Variants in DNAH6 observed in about 807,000 individuals in gnomAD.
DNAH6 encodes dynein axonemal heavy chain 6, also known as axonemal beta dynein heavy chain 6.
A neutral mutation model predicts 491.4 loss-of-function variants in DNAH6; 340 were observed. That is an observed-to-expected ratio of 0.69 (90% CI 0.63 to 0.76). DNAH6 has a LOEUF of 0.76. Ranked by LOEUF, DNAH6 falls within the 30% of genes least tolerant of loss-of-function variation. The probability of loss-of-function intolerance (pLI) is 0.00; values close to 1 mark genes in which losing one functional copy is unlikely to be tolerated. For missense variants in DNAH6, 4,443 were observed against 4,972.2 expected (o/e 0.89, Z 3.20); for synonymous variants, 1,603 against 1,686.1 (o/e 0.95, Z 1.21).
intron 73 of DNAH6, 69 bp downstream of exon 73, chr2:84,812,595 C>A: frequency 7.6e-7 from 1 of 1,308,184 alleles, no homozygotes; most frequent in Non-Finnish European, 1.1e-6. Context: ...CCCTAGGAAG[C>A]ACTGGCTAAA....
chr2:84,479,262 G>A, the DNAH6 span, among the ~76,000 whole-genome samples: 1 of 152,138 alleles, frequency 6.6e-6, no homozygotes, highest in Non-Finnish European at 1.5e-5. Context: ...TCTCACTTTG[G>A]GCTGCAGTAT....
At chr2:84,812,862 C>T (rs1005306671) in intron 73 of DNAH6, among the ~76,000 whole-genome samples, 196 bp from the exon 74 acceptor site, 1 of 152,094 alleles carries the variant, frequency 6.6e-6, no homozygotes, top group Non-Finnish European at 1.5e-5. Context: ...CCCACAATAA[C>T]CAGGCTCTGT....
intron 33 of DNAH6, 39 bp from the exon 34 acceptor site, chr2:84,653,280 A>C (rs988631286): frequency 7.1e-7 from 1 of 1,401,176 alleles, no homozygotes; most frequent in Non-Finnish European, 9.5e-7. Flanking sequence ...AATATCAATG[A>C]CCAGTTGTTC....
intron 40 of DNAH6, among the ~76,000 whole-genome samples, chr2:84,675,316 G>A (rs1196949415): frequency 6.6e-6 from 1 of 152,066 alleles, no homozygotes; most frequent in Non-Finnish European, 1.5e-5. Flanking sequence ...TATATAGTAA[G>A]CCGTTGTTTA....
At chr2:84,596,215 G>A (rs1195057300) in intron 18 of DNAH6, among the ~76,000 whole-genome samples, 1 of 152,210 alleles carries the variant, frequency 6.6e-6, no homozygotes, top group Non-Finnish European at 1.5e-5. Flanking sequence ...CAGGCTGCAG[G>A]TGTACAGGTC....
intron 62 of DNAH6, 144 bp from the exon 63 acceptor site, chr2:84,744,936 A>G (rs1016396907): frequency 2.2e-6 from 1 of 457,714 alleles, no homozygotes; most frequent in East Asian, 3.6e-5. Flanking sequence ...TAGGTTGGGT[A>G]GCAGGGGAGA....
At position 84,704,072 on chromosome 2, in the gene DNAH6, T is replaced by C. The variant is rs1224805045; in HGVS notation, c.8235T>C (p.Arg2745=). 1.3e-6 allele frequency: 2 copies of C among 1,551,460 alleles called. No individual in the cohort carries two copies. Among genetic ancestry groups the C allele is most frequent in the African/African-American group, 2.7e-5 (2 of 73,050 alleles). The change falls in exon 51 of 77, where the codon CGT becomes CGC. Residue 2745 remains arginine (R), a synonymous_variant. Transcript: ENST00000389394. Reference sequence around the variant, plus strand: ...AGTCATGTTTCAATGGTTAGGTCCGTAACACTGTGCAGGAGGATGAAGCAA... The same window carrying C: ...AGTCATGTTTCAATGGTTAGGTCCGCAACACTGTGCAGGAGGATGAAGCAA... The part of the protein sequence containing the change: ...AVDQESADQV[R]NTVQEDEATA...
intron 10 of DNAH6, among the ~76,000 whole-genome samples, chr2:84,557,512 C>G (rs866561213): frequency 6.7e-6 from 1 of 150,328 alleles, no homozygotes; most frequent in Non-Finnish European, 1.5e-5. Flanking sequence ...TAGCTGGGCG[C>G]GGTGGCGGGC....
chr2:84,783,900 A>G (rs1248982931), intron 65 of DNAH6, among the ~76,000 whole-genome samples: 1 of 152,194 alleles, frequency 6.6e-6, no homozygotes, highest in Non-Finnish European at 1.5e-5. Flanking sequence ...AGCAAGGAAG[A>G]TAGCAATTTT....
intron 64 of DNAH6, among the ~76,000 whole-genome samples, chr2:84,765,249 A>C (rs1371566419): frequency 2.0e-5 from 3 of 152,102 alleles, no homozygotes; most frequent in Non-Finnish European, 4.4e-5. Context: ...GAGGTTAGGT[A>C]ATGAGAGAGA....
Position 84,625,096 on chromosome 2 carries a change from G to C in DNAH6, c.4515+33G>C, listed in dbSNP as rs763012356. 3.5e-6 allele frequency: 5 copies of C among 1,448,006 alleles called. No individual in the cohort carries two copies. In the African/African-American group the frequency reaches 5.8e-5, roughly 17 times the overall value. The allele number at this position is 1,448,006 out of a possible 1,614,324, so 89.7% of individuals were successfully genotyped here. A position where few individuals can be genotyped will look rare whatever the true frequency, so the allele number is the denominator to read the frequency against. ...TCTTGCATCTGAATATTAACATTAA[G>C]TGTTTTATGTGTCTTTCTCTATTTG... On this transcript the variant is annotated intron_variant, in intron 29 of 76. Transcript: ENST00000389394.
At chr2:84,714,785 C>G (rs1490036137) in intron 57 of DNAH6, among the ~76,000 whole-genome samples, 2 of 151,482 alleles carry the variant, frequency 1.3e-5, no homozygotes, top group African/African-American at 4.8e-5. Flanking sequence ...GGCAAATTAT[C>G]CCATTTCCAG....
chr2:84,757,394 A>G (rs1674136959), intron 63 of DNAH6, among the ~76,000 whole-genome samples: 1 of 152,206 alleles, frequency 6.6e-6, no homozygotes, highest in Admixed American at 6.5e-5. Context: ...TCTGATACGG[A>G]CTTTGAAAGT....
In DNAH6 at chr2:84,682,439, C is replaced by G. The variant is rs141195419; in HGVS notation, c.6916+911C>G. On this transcript the variant is annotated intron_variant, in intron 42 of 76. Transcript: ENST00000389394. ...CACATATTCCCTCAGTAATTCTGGT[C>G]AATTCTACATCATCAAGTGCCATCT... Among the ~76,000 whole-genome samples, 76 of 152,292 alleles carry G rather than the reference C, an allele frequency of 5.0e-4. 1 individual carries two copies. In the East Asian group the frequency reaches 0.013, roughly 26 times the overall value.
chr2:84,657,784 C>T (rs1233211899), intron 35 of DNAH6, among the ~76,000 whole-genome samples: 1 of 151,964 alleles, frequency 6.6e-6, no homozygotes, highest in East Asian at 1.9e-4. Context: ...TTACTTCTTC[C>T]TTCCCAATCT....
chr2:84,694,523 G>A (rs563702465), intron 46 of DNAH6, 43 bp downstream of exon 46: 2 of 1,405,650 alleles, frequency 1.4e-6, no homozygotes, highest in Admixed American at 2.0e-5. Context: ...GGAAATGTAT[G>A]GGTGTTACAA....
the DNAH6 span, among the ~76,000 whole-genome samples, chr2:84,507,978 A>G: frequency 6.6e-6 from 1 of 152,222 alleles, no homozygotes; most frequent in Non-Finnish European, 1.5e-5. Flanking sequence ...CCAGTATTTC[A>G]TTGAGGATTT....
intron 62 of DNAH6, among the ~76,000 whole-genome samples, chr2:84,744,339 T>C (rs755968512): frequency 2.0e-5 from 3 of 152,250 alleles, no homozygotes; most frequent in African/African-American, 4.8e-5. Flanking sequence ...ATATGCATTC[T>C]GTACCTACAG....
intron 33 of DNAH6, among the ~76,000 whole-genome samples, chr2:84,647,460 A>G (rs1690011484): frequency 6.6e-6 from 1 of 152,172 alleles, no homozygotes; most frequent in Non-Finnish European, 1.5e-5. Context: ...CCTGGCTTCA[A>G]AGCTTTAAAG....
Sources: gnomAD v4.1 joint callset for allele counts (sites outside exome capture counted in the v4.1 genomes callset) on GRCh38, gnomAD v4.1.1 for gene constraint, MANE v1.5 for transcripts, NCBI Gene and HGNC (gene_info 2026-07-23, HGNC 2026-07-21) for gene names.